TENM3: variants seen among roughly 807,000 people sequenced by gnomAD.
The protein encoded by TENM3 is teneurin-3.
TENM3 carries 63 observed loss-of-function variants against 255.1 expected under a neutral mutation model. That is an observed-to-expected ratio of 0.25 (90% CI 0.20 to 0.30). The LOEUF is 0.30. Among genes scored for constraint, TENM3 ranks in the 10% least tolerant of loss-of-function variants. The probability of loss-of-function intolerance (pLI) is 1.00; values close to 1 mark genes in which losing one functional copy is unlikely to be tolerated. For synonymous variants in TENM3, 1,306 were observed against 1,322.3 expected, an observed-to-expected ratio of 0.99 and a Z score of 0.27; for missense variants, 2,929 against 3,461.1, an observed-to-expected ratio of 0.85 and a Z score of 3.86.
the TENM3 span, among the ~76,000 whole-genome samples, chr4:181,463,074 A>G: frequency 6.6e-6 from 1 of 152,208 alleles, no homozygotes; most frequent in East Asian, 1.9e-4. Context: ...ATTCATTATC[A>G]TAGTCTGATC....
At chr4:182,712,306 G>A (rs752736058) in intron 12 of TENM3, among the ~76,000 whole-genome samples, 22 of 151,800 alleles carry the variant, frequency 1.4e-4, no homozygotes, top group Non-Finnish European at 5.9e-5. Flanking sequence ...CCTTGTTTGT[G>A]CTTTTCATTA....
intron 5 of TENM3, among the ~76,000 whole-genome samples, chr4:182,638,832 A>C (rs1363771490): frequency 6.6e-6 from 1 of 152,086 alleles, no homozygotes; most frequent in African/African-American, 2.4e-5. Flanking sequence ...TCTCTTTATG[A>C]CTTTCAGTAA....
chr4:181,931,003 A>T, the TENM3 span, among the ~76,000 whole-genome samples: 1 of 152,226 alleles, frequency 6.6e-6, no homozygotes, highest in Non-Finnish European at 1.5e-5. Context: ...CTAGCTATTG[A>T]TGGAACATAT....
intron 3 of TENM3, among the ~76,000 whole-genome samples, chr4:182,467,453 T>C (rs1732702176): frequency 6.6e-6 from 1 of 152,194 alleles, no homozygotes; most frequent in South Asian, 2.1e-4. Context: ...GATAAACACA[T>C]GACGTATTTA....
the TENM3 span, among the ~76,000 whole-genome samples, chr4:181,527,064 C>A: frequency 7.4e-5 from 11 of 149,370 alleles, no homozygotes; most frequent in East Asian, 1.0e-3. Context: ...ACTCCTCTGG[C>A]CCCCTGTGCG....
chr4:181,534,719 C>G, the TENM3 span, among the ~76,000 whole-genome samples: 1 of 152,256 alleles, frequency 6.6e-6, no homozygotes, highest in Middle Eastern at 3.4e-3. Flanking sequence ...GGCAGAAACC[C>G]CGCTGGAGTC....
At chr4:181,462,762 C>T in the TENM3 span, among the ~76,000 whole-genome samples, 1 of 152,260 alleles carries the variant, frequency 6.6e-6, no homozygotes, top group South Asian at 2.1e-4. Flanking sequence ...GAGTCAAGTT[C>T]CCACTCTGTG....
chr4:182,025,706 A>G, the TENM3 span, among the ~76,000 whole-genome samples: 1 of 152,156 alleles, frequency 6.6e-6, no homozygotes, highest in East Asian at 1.9e-4. Flanking sequence ...TCTTTTGGAT[A>G]TAAGCCATTT....
the TENM3 span, among the ~76,000 whole-genome samples, chr4:182,066,588 G>A: frequency 3.4e-5 from 1 of 29,694 alleles, no homozygotes; most frequent in African/African-American, 7.7e-5. Context: ...TAAGAATTAT[G>A]GTAAAAAAAA....
At chr4:182,478,668 T>C (rs962979072) in intron 3 of TENM3, among the ~76,000 whole-genome samples, 1 of 152,046 alleles carries the variant, frequency 6.6e-6, no homozygotes, top group Non-Finnish European at 1.5e-5. Flanking sequence ...TAGGCTTTTG[T>C]ACTATTGTTC....
At chr4:182,313,079 T>C (rs1437917707) in intron 1 of TENM3, among the ~76,000 whole-genome samples, 1 of 152,194 alleles carries the variant, frequency 6.6e-6, no homozygotes, top group Non-Finnish European at 1.5e-5. Flanking sequence ...CTCACTTTAC[T>C]GAGTAAATTA....
At chr4:182,455,752 G>A (rs6840340) in intron 3 of TENM3, among the ~76,000 whole-genome samples, 41,495 of 151,596 alleles carry the variant, frequency 0.27, 6,956 homozygotes, top group East Asian at 0.48. Flanking sequence ...AGTAGAGACA[G>A]GGTCTCACCA....
chr4:182,335,319 C>T, intron 2 of TENM3, among the ~76,000 whole-genome samples: 1 of 52,140 alleles, frequency 1.9e-5, no homozygotes, highest in East Asian at 4.4e-4. Context: ...AATGGTGAAA[C>T]CCCGTCTCTA....
chr4:182,368,565 A>T (rs1329250536), intron 3 of TENM3, among the ~76,000 whole-genome samples: 2 of 152,170 alleles, frequency 1.3e-5, no homozygotes, highest in Non-Finnish European at 2.9e-5. Flanking sequence ...TTTGTCTCCA[A>T]ACAGCAAAAG....
At chr4:182,418,898 G>A (rs1454835244) in intron 3 of TENM3, among the ~76,000 whole-genome samples, 1 of 152,148 alleles carries the variant, frequency 6.6e-6, no homozygotes, top group African/African-American at 2.4e-5. Flanking sequence ...ATGACTTGCT[G>A]GGGCCAAGGA....
the TENM3 span, among the ~76,000 whole-genome samples, chr4:181,995,368 T>C: frequency 6.6e-6 from 1 of 152,038 alleles, no homozygotes. Flanking sequence ...ACAGTGAACA[T>C]ACACTCTAAG....
chr4:181,525,396 CAAA>C, the TENM3 span, among the ~76,000 whole-genome samples: 100 of 97,262 alleles, frequency 1.0e-3, no homozygotes, highest in East Asian at 3.8e-3. Flanking sequence ...GACCCTGTTT[CAAA>C]AAAAAAAAAA....
At chr4:182,690,954 T>C (rs1756964400) in intron 12 of TENM3, among the ~76,000 whole-genome samples, 1 of 152,222 alleles carries the variant, frequency 6.6e-6, no homozygotes. Flanking sequence ...CCTGCTTCAT[T>C]TACAAATAAA....
the TENM3 span, among the ~76,000 whole-genome samples, chr4:181,906,744 G>T: frequency 6.6e-6 from 1 of 152,164 alleles, no homozygotes; most frequent in African/African-American, 2.4e-5. Context: ...GATGGGTCTT[G>T]CTATGTTTCC....
Sources: allele counts gnomAD v4.1 joint callset (sites outside exome capture counted in the v4.1 genomes callset), GRCh38; gene constraint gnomAD v4.1.1; transcripts MANE v1.5; gene names NCBI Gene and HGNC (gene_info 2026-07-23, HGNC 2026-07-21).